The following FER variants were observed in gnomAD, a reference collection of about 807,000 sequenced individuals.
The protein encoded by FER is tyrosine-protein kinase Fer.
FER carries 63 observed loss-of-function variants against 111.0 expected under a neutral mutation model. The ratio of observed to expected loss-of-function variants is 0.57; its 90% confidence interval spans 0.46 to 0.70. The LOEUF (loss-of-function observed/expected upper bound fraction) is 0.70, where lower values mean the gene tolerates loss of function less well. Among genes scored for constraint, FER ranks in the 30% least tolerant of loss-of-function variants. FER has a pLI of 0.00. For missense variants in FER, 914 were observed against 954.0 expected, an observed-to-expected ratio of 0.96 and a Z score of 0.55; for synonymous variants, 327 against 313.9, an observed-to-expected ratio of 1.04 and a Z score of -0.44.
At chr5:108,934,453 A>G (rs1581268474) in intron 10 of FER, among the ~76,000 whole-genome samples, 1 of 152,184 alleles carries the variant, frequency 6.6e-6, no homozygotes, top group Admixed American at 6.5e-5. Flanking sequence ...CTTATTTTTA[A>G]TGTTAATCTT....
At chr5:109,065,266 G>A (rs958049094) in intron 16 of FER, among the ~76,000 whole-genome samples, 1 of 151,948 alleles carries the variant, frequency 6.6e-6, no homozygotes, top group Non-Finnish European at 1.5e-5. Context: ...AAAATCCTTT[G>A]AATCAAAATT....
At chr5:108,776,005 C>T (rs910840477) in intron 2 of FER, among the ~76,000 whole-genome samples, 7 of 152,130 alleles carry the variant, frequency 4.6e-5, no homozygotes, top group Admixed American at 3.3e-4. Flanking sequence ...TGACTTCTAA[C>T]TGTCAGTATT....
chr5:108,998,827 G>A (rs1182617982), intron 13 of FER, among the ~76,000 whole-genome samples: 1 of 152,150 alleles, frequency 6.6e-6, no homozygotes, highest in African/African-American at 2.4e-5. Flanking sequence ...TGGTGGATAA[G>A]CTTTCTGGTG....
rs191924126 is a variant in FER at position 109,050,260 on chromosome 5, G to A, written c.1924+3062G>A. 2.1e-3 allele frequency among the ~76,000 whole-genome samples: 314 copies of A among 152,170 alleles called. 1 individual carries two copies. The highest frequency in any genetic ancestry group is 3.4e-3 in the Middle Eastern group (1 of 294). ...AACTAGTATCCGTAATAGGATACAC[G>A]GGGAAAAACATTTTAGGAGAAAAAA... is the stretch of plus-strand genomic sequence containing the variant. On this transcript the variant is annotated intron_variant, in intron 16 of 19. Coordinates refer to ENST00000281092, the MANE Select transcript of FER (RefSeq NM_005246.4).
At chr5:108,848,282 C>G (rs909169483) in intron 5 of FER, among the ~76,000 whole-genome samples, 7 of 152,076 alleles carry the variant, frequency 4.6e-5, no homozygotes, top group Non-Finnish European at 1.0e-4. Context: ...CTTGATAATC[C>G]TTACCTTTTA....
chr5:108,897,235 A>C (rs1283239308), intron 9 of FER, among the ~76,000 whole-genome samples: 1 of 152,060 alleles, frequency 6.6e-6, no homozygotes, highest in African/African-American at 2.4e-5. Flanking sequence ...CCAGACTGTC[A>C]CCTTGATTTT....
chr5:108,880,833 G>A (rs573820278), intron 8 of FER, among the ~76,000 whole-genome samples: 14 of 152,004 alleles, frequency 9.2e-5, no homozygotes, highest in African/African-American at 2.7e-4. Context: ...ATCAAATGCC[G>A]TCAGAGACTT....
At chr5:108,985,588 C>T (rs1353837686) in intron 13 of FER, among the ~76,000 whole-genome samples, 1 of 152,110 alleles carries the variant, frequency 6.6e-6, no homozygotes, top group Non-Finnish European at 1.5e-5. Context: ...CCCTGATTCC[C>T]TCCCACCATT....
intron 5 of FER, among the ~76,000 whole-genome samples, chr5:108,845,124 C>G (rs1188360301): frequency 1.5e-5 from 2 of 136,296 alleles, no homozygotes; most frequent in Admixed American, 7.7e-5. Context: ...AACTTTTATC[C>G]TATGGACTTA....
chr5:109,143,718 G>GC (rs1753765919), intron 17 of FER, among the ~76,000 whole-genome samples: 2 of 149,826 alleles, frequency 1.3e-5, no homozygotes, highest in African/African-American at 4.9e-5. Flanking sequence ...GTTTTGTTTT[G>GC]TTTTTTTTTG....
intron 3 of FER, among the ~76,000 whole-genome samples, chr5:108,803,313 T>G (rs187198381): frequency 1.0e-3 from 156 of 152,350 alleles, no homozygotes; most frequent in African/African-American, 3.6e-3. Context: ...TTACTTTTGT[T>G]GTATAGAAGC....
At chr5:109,131,905 T>A (rs984146271) in intron 17 of FER, among the ~76,000 whole-genome samples, 2 of 152,152 alleles carry the variant, frequency 1.3e-5, no homozygotes, top group Admixed American at 1.3e-4. Context: ...TTAAAACCGC[T>A]TTGCTGTCAG....
At chr5:108,994,071 G>A (rs1399073730) in intron 13 of FER, among the ~76,000 whole-genome samples, 1 of 152,104 alleles carries the variant, frequency 6.6e-6, no homozygotes, top group Non-Finnish European at 1.5e-5. Context: ...CATTCTGTAG[G>A]TCGTCTGTTC....
chr5:109,075,528 A>G (rs1257648390), intron 16 of FER, among the ~76,000 whole-genome samples: 1 of 148,930 alleles, frequency 6.7e-6, no homozygotes, highest in Non-Finnish European at 1.5e-5. Context: ...GGTTCACACC[A>G]TTCTCCTGCC....
chr5:108,967,795 GGGTA>G (rs1327544685), intron 13 of FER, among the ~76,000 whole-genome samples: 2 of 142,108 alleles, frequency 1.4e-5, no homozygotes, highest in Admixed American at 1.4e-4. Flanking sequence ...AATTAGGAAA[GGGTA>G]GGTATGAGTA....
chr5:109,151,252 G>A (rs571396411), intron 17 of FER, among the ~76,000 whole-genome samples: 35 of 152,096 alleles, frequency 2.3e-4, no homozygotes, highest in South Asian at 2.1e-3. Flanking sequence ...CACAAGAACT[G>A]GAATCATAAG....
At chr5:109,186,644 A>G (rs1292801817) in intron 19 of FER, among the ~76,000 whole-genome samples, 2 of 152,012 alleles carry the variant, frequency 1.3e-5, no homozygotes, top group African/African-American at 4.8e-5. Context: ...TGCCAGATAA[A>G]CCTCCTTTTA....
Position 109,190,099 on chromosome 5 carries a change from G to C in FER, c.*2524G>C, listed in dbSNP as rs1006080338. On this transcript the variant is annotated 3_prime_UTR_variant, in exon 20 of 20. Transcript: ENST00000281092. Reference sequence around the variant, plus strand: ...CAAACAGTTTTTCACTGTTAATTTTGTTGTGCTTGAAGCATAATTTATTCA... The same window carrying C: ...CAAACAGTTTTTCACTGTTAATTTTCTTGTGCTTGAAGCATAATTTATTCA... The C allele has an allele frequency of 6.6e-6, 1 of 152,010 alleles. No individual in the cohort carries two copies. The highest frequency in any genetic ancestry group is 1.5e-5 in the Non-Finnish European group (1 of 67,984). 9.4% of individuals were successfully genotyped at this position (152,010 alleles called of 1,614,324 possible).
intron 5 of FER, among the ~76,000 whole-genome samples, chr5:108,839,919 C>T (rs974226596): frequency 6.6e-6 from 1 of 151,996 alleles, no homozygotes; most frequent in African/African-American, 2.4e-5. Context: ...GATTCTTTAT[C>T]GGGACTGACT....
Sources: gnomAD v4.1 joint callset for allele counts (sites outside exome capture counted in the v4.1 genomes callset) on GRCh38, gnomAD v4.1.1 for gene constraint, MANE v1.5 for transcripts, NCBI Gene and HGNC (gene_info 2026-07-23, HGNC 2026-07-21) for gene names.